ARPC3: variants seen among roughly 807,000 people sequenced by gnomAD.
The protein encoded by ARPC3 is actin-related protein 2/3 complex subunit 3.
In ARPC3, 12 loss-of-function variants were observed where a neutral mutation model predicts 27.6. The observed-to-expected ratio is 0.43, with a 90% CI of 0.28 to 0.70. ARPC3 has a LOEUF of 0.70. ARPC3 is among the 30% of genes least tolerant of loss of function. The pLI is 0.17. For missense variants in ARPC3, 153 were observed against 207.7 expected (o/e 0.74, Z 1.62); for synonymous variants, 53 against 67.2 (o/e 0.79, Z 1.03).
intron 2 of ARPC3, among the ~76,000 whole-genome samples, chr12:110,443,972 T>G (rs985481006): frequency 1.3e-5 from 2 of 151,588 alleles, no homozygotes; most frequent in African/African-American, 2.4e-5. Context: ...AATTCAGGTT[T>G]TTTTTTTTTT....
At chr12:110,439,738 G>A (rs1244641035) in intron 3 of ARPC3, among the ~76,000 whole-genome samples, 1 of 152,206 alleles carries the variant, frequency 6.6e-6, no homozygotes, top group Non-Finnish European at 1.5e-5. Context: ...GGAGGCTGAG[G>A]CAGGAGGACT....
At position 110,436,699 on chromosome 12, in the gene ARPC3, T is replaced by TATATATATATACACACAC; in HGVS notation, c.253-17_253-16insGTGTGTGTATATATATAT. 1 of 633,896 alleles carries TATATATATATACACACAC rather than the reference T, an allele frequency of 1.6e-6. No individual in the cohort carries two copies. The highest frequency in any genetic ancestry group is 2.5e-6 in the Non-Finnish European group (1 of 403,984). The allele number at this position is 633,896 out of a possible 1,614,324, so 39.3% of individuals were successfully genotyped here. On this transcript the variant is annotated splice_polypyrimidine_tract_variant and intron_variant, in intron 4 of 6. Coordinates refer to ENST00000228825, the MANE Select transcript of ARPC3 (RefSeq NM_001278556.2). ...TGGAATTGCACTGGAAAAAAAAATA[T>TATATATATATACACACAC]ATATATATATATACACACACACACA...
rs1330105696 is a variant in ARPC3 at position 110,435,212 on chromosome 12, C to A, written c.480G>T (p.Trp160Cys). ...DPQNDKPSKW[W>C]TCFVKRQFMN... ...TGAACTGTCTCTTCACAAAGCAAGT[C>A]CACCACTAACAAGAGAGAACAACAC... is the stretch of plus-strand genomic sequence containing the variant. The change falls in exon 7 of 7, where the codon TGG becomes TGT. Residue 160 changes from tryptophan (W) to cysteine (C), a missense_variant. Physicochemically the swap from Trp to Cys is radical, Grantham distance 215. Transcript: ENST00000228825. 2 of 1,613,174 alleles carry A rather than the reference C, an allele frequency of 1.2e-6. No homozygotes were observed. The highest frequency in any genetic ancestry group is 1.7e-6 in the Non-Finnish European group (2 of 1,179,140).
At chr12:110,437,617 C>T (rs1195488504) in intron 3 of ARPC3, among the ~76,000 whole-genome samples, 1 of 152,152 alleles carries the variant, frequency 6.6e-6, no homozygotes, top group African/African-American at 2.4e-5. Flanking sequence ...ATCTGTCCAC[C>T]TCAGCCTCCC....
At chr12:110,440,939 T>C (rs1353394660) in intron 2 of ARPC3, among the ~76,000 whole-genome samples, 9 of 149,314 alleles carry the variant, frequency 6.0e-5, no homozygotes, top group South Asian at 2.1e-4. Context: ...GCCTCCCGGG[T>C]TCACGGCATT....
intron 1 of ARPC3, among the ~76,000 whole-genome samples, chr12:110,448,522 C>G (rs2062478224): frequency 6.6e-6 from 1 of 151,690 alleles, no homozygotes; most frequent in African/African-American, 2.4e-5. Flanking sequence ...ACTAAAAACA[C>G]AAAAACTTAG....
intron 2 of ARPC3, among the ~76,000 whole-genome samples, chr12:110,441,130 A>G (rs907110573): frequency 1.3e-5 from 2 of 150,688 alleles, no homozygotes; most frequent in African/African-American, 4.9e-5. Context: ...GGCATAAGCC[A>G]CCGTGCCCGG....
At chr12:110,444,005 C>T (rs553086743) in intron 2 of ARPC3, among the ~76,000 whole-genome samples, 4 of 148,392 alleles carry the variant, frequency 2.7e-5, no homozygotes, top group Non-Finnish European at 5.9e-5. Context: ...GAGTTTTGCT[C>T]GTTGCCTAGG....
rs925494382 is a variant in ARPC3, at chr12:110,434,837, T to C, written c.*318A>G. The C allele has an allele frequency of 2.1e-4, 103 of 499,192 alleles. No homozygotes were observed. Among genetic ancestry groups the C allele is most frequent in the Non-Finnish European group, 3.0e-4 (81 of 269,270 alleles). 30.9% of individuals were successfully genotyped at this position (499,192 alleles called of 1,614,324 possible). A position where few individuals can be genotyped will look rare whatever the true frequency, so the allele number is the denominator to read the frequency against. ...CACTTTAAAAGGGCATTATGGAATGTGAATTTTATCTCAAAACAAATTGTA... is the reference window on the plus strand; with the variant it reads ...CACTTTAAAAGGGCATTATGGAATGCGAATTTTATCTCAAAACAAATTGTA... On this transcript the variant is annotated 3_prime_UTR_variant, in exon 7 of 7. Coordinates refer to ENST00000228825, the MANE Select transcript of ARPC3 (RefSeq NM_001278556.2).
In ARPC3 at chr12:110,436,538, G is replaced by A. The variant is rs2062404616; in HGVS notation, c.379+19C>T. 1.2e-6 allele frequency: 2 copies of A among 1,613,836 alleles called. No homozygotes were observed. The highest frequency in any genetic ancestry group is 1.7e-6 in the Non-Finnish European group (2 of 1,179,918). The stretch of plus-strand genomic sequence containing the variant: ...AAATCTTCTTGTGTCACAGAGTGAG[G>A]ATAGAGACCTGTTCTTACCATCTTC... On this transcript the variant is annotated intron_variant, in intron 5 of 6. Coordinates refer to ENST00000228825, the MANE Select transcript of ARPC3 (RefSeq NM_001278556.2).
chr12:110,439,840 A>T (rs1478064046), intron 3 of ARPC3, among the ~76,000 whole-genome samples: 2 of 152,210 alleles, frequency 1.3e-5, no homozygotes, highest in African/African-American at 4.8e-5. Context: ...TCTCAAAACA[A>T]AACAAAAGGC....
intron 2 of ARPC3, among the ~76,000 whole-genome samples, chr12:110,443,256 C>A (rs537643405): frequency 6.6e-6 from 1 of 151,810 alleles, no homozygotes. Context: ...GTACCTGGGA[C>A]TACAGGAGCC....
chr12:110,446,524 C>T (rs34490299), intron 1 of ARPC3, among the ~76,000 whole-genome samples: 1 of 149,752 alleles, frequency 6.7e-6, no homozygotes, highest in East Asian at 2.0e-4. Context: ...CTCGAACTCC[C>T]GACCTCAGGT....
chr12:110,445,582 A>G (rs779843603), intron 1 of ARPC3, 31 bp from the exon 2 acceptor site: 2 of 1,493,730 alleles, frequency 1.3e-6, no homozygotes, highest in East Asian at 2.3e-5. Flanking sequence ...AGAACACAGA[A>G]GCAGAAAAAG....
chr12:110,445,057 A>C (rs1381415876), intron 2 of ARPC3: 2 of 226,758 alleles, frequency 8.8e-6, no homozygotes, highest in Non-Finnish European at 1.8e-5. Flanking sequence ...GATCTTGAAG[A>C]ATGAATAAAG....
intron 1 of ARPC3, among the ~76,000 whole-genome samples, chr12:110,447,976 G>A (rs962947602): frequency 7.0e-6 from 1 of 143,360 alleles, no homozygotes; most frequent in Admixed American, 7.5e-5. Flanking sequence ...TCAAACTCCT[G>A]GCTCCAGGTG....
chr12:110,450,262 T>G lies in ARPC3; in HGVS notation c.-2A>C. On this transcript the variant is annotated 5_prime_UTR_variant, in exon 1 of 7. Transcript: ENST00000228825. The stretch of plus-strand genomic sequence containing the variant: ...CGTGGATCGAACCCTCACCGGCATC[T>G]TGGCGGCGCCCGGGTTTCAACCCAG... The G allele has an allele frequency of 6.2e-7, 1 of 1,614,076 alleles. No individual in the cohort carries two copies. The highest frequency in any genetic ancestry group is 8.5e-7 in the Non-Finnish European group (1 of 1,179,976).
At chr12:110,448,516 A>G (rs2062478131) in intron 1 of ARPC3, among the ~76,000 whole-genome samples, 2 of 151,868 alleles carry the variant, frequency 1.3e-5, no homozygotes, top group Admixed American at 1.3e-4. Context: ...GTCTCTACTA[A>G]AAACACAAAA....
In ARPC3 at chr12:110,445,534, GAGAGA is replaced by G; in HGVS notation, c.19_23del (p.Ser7HisfsTer4). ...CGATGAGTTTGGTATCAGGATCCAT[GAGAGA>G]AGAGTGGTAAGCCTGTAATGGCAAG... On this transcript the variant is annotated frameshift_variant, in exon 2 of 7. Coordinates refer to ENST00000228825, the MANE Select transcript of ARPC3 (RefSeq NM_001278556.2). LOFTEE classifies it high-confidence loss of function. 1 of 1,613,084 alleles carries G rather than the reference GAGAGA, an allele frequency of 6.2e-7. No individual in the cohort carries two copies. The highest frequency in any genetic ancestry group is 2.2e-5 in the East Asian group (1 of 44,882).
Sources: allele counts gnomAD v4.1 joint callset (sites outside exome capture counted in the v4.1 genomes callset), GRCh38; gene constraint gnomAD v4.1.1; transcripts MANE v1.5; gene names NCBI Gene and HGNC (gene_info 2026-07-23, HGNC 2026-07-21).